The following GTF2A1L variants were observed in gnomAD, a reference collection of about 807,000 sequenced individuals.
GTF2A1L encodes TFIIA-alpha and beta-like factor.
A neutral mutation model predicts 49.7 loss-of-function variants in GTF2A1L; 48 were observed. The observed-to-expected ratio is 0.97, with a 90% CI of 0.77 to 1.23. GTF2A1L has a LOEUF of 1.23. Among genes scored for constraint, GTF2A1L ranks in the 50% most tolerant of loss-of-function variants. The pLI, the probability that GTF2A1L is intolerant of heterozygous loss-of-function variation, is 0.00. For missense variants in GTF2A1L, 736 were observed against 564.8 expected, an observed-to-expected ratio of 1.30 and a Z score of -3.07; for synonymous variants, 246 against 193.5, an observed-to-expected ratio of 1.27 and a Z score of -2.25.
chr2:48,654,980 A>G (rs1200720320), intron 6 of GTF2A1L, among the ~76,000 whole-genome samples: 1 of 152,154 alleles, frequency 6.6e-6, no homozygotes, highest in Non-Finnish European at 1.5e-5. Context: ...GGCTATTCTA[A>G]TTCCTTTATA....
chr2:48,642,477 T>C lies in GTF2A1L; in HGVS notation c.303+20T>C. ...GAACTGGTATGTAGCTTACTTAAAATATATTTTAAAAGACATGTCCCACTG... is the reference window on the plus strand; with the variant it reads ...GAACTGGTATGTAGCTTACTTAAAACATATTTTAAAAGACATGTCCCACTG... On this transcript the variant is annotated intron_variant, in intron 4 of 8. Transcript: ENST00000403751. The C allele has an allele frequency of 6.4e-7, 1 of 1,561,282 alleles. No individual in the cohort carries two copies. Among genetic ancestry groups the C allele is most frequent in the Non-Finnish European group, 8.7e-7 (1 of 1,144,550 alleles).
chr2:48,649,738 C>A (rs1454080101), intron 6 of GTF2A1L, among the ~76,000 whole-genome samples: 2 of 152,204 alleles, frequency 1.3e-5, no homozygotes, highest in African/African-American at 4.8e-5. Flanking sequence ...CCACTTAACA[C>A]ATCACCGACT....
chr2:48,621,585 C>T (rs139273425), intron 3 of GTF2A1L, among the ~76,000 whole-genome samples: 88 of 152,314 alleles, frequency 5.8e-4, no homozygotes, highest in African/African-American at 2.0e-3. Context: ...TTGGTAATTT[C>T]AGATAATTTG....
intron 3 of GTF2A1L, among the ~76,000 whole-genome samples, chr2:48,634,793 C>T (rs143857338): frequency 6.6e-6 from 1 of 152,168 alleles, no homozygotes; most frequent in Admixed American, 6.5e-5. Flanking sequence ...TCCTTTTGTA[C>T]AGGATCTGAC....
At chr2:48,672,888 T>C (rs972982887) in intron 8 of GTF2A1L, among the ~76,000 whole-genome samples, 2 of 152,204 alleles carry the variant, frequency 1.3e-5, no homozygotes, top group Non-Finnish European at 2.9e-5. Flanking sequence ...AGAACCATTT[T>C]ATCACCTCAA....
intron 1 of GTF2A1L, 30 bp from the exon 2 acceptor site, chr2:48,620,821 A>ATAAAT: frequency 3.0e-5 from 37 of 1,234,288 alleles, no homozygotes; most frequent in Non-Finnish European, 3.7e-5. Flanking sequence ...AAATAAATAA[A>ATAAAT]ATGAAACTTT....
At chr2:48,676,234 G>A (rs1192948241) in intron 8 of GTF2A1L, among the ~76,000 whole-genome samples, 1 of 151,518 alleles carries the variant, frequency 6.6e-6, no homozygotes, top group Non-Finnish European at 1.5e-5. Flanking sequence ...TCCTATTGTA[G>A]GATTACTAAA....
chr2:48,662,176 C>T (rs1376762960), intron 6 of GTF2A1L, among the ~76,000 whole-genome samples: 1 of 152,146 alleles, frequency 6.6e-6, no homozygotes, highest in African/African-American at 2.4e-5. Flanking sequence ...CTTTGCCCTC[C>T]CCTACTTTGT....
chr2:48,639,497 T>G (rs1331504962), intron 3 of GTF2A1L, among the ~76,000 whole-genome samples: 2 of 152,192 alleles, frequency 1.3e-5, no homozygotes, highest in Non-Finnish European at 2.9e-5. Context: ...GCTAGCCATA[T>G]GCAGAAGACT....
chr2:48,670,379 T>TA (rs35545854), intron 7 of GTF2A1L, among the ~76,000 whole-genome samples: 26,687 of 145,980 alleles, frequency 0.18, 2,642 homozygotes, highest in South Asian at 0.26. Flanking sequence ...CAAGACTCTT[T>TA]AAAAAAAAAA....
At chr2:48,619,284 C>T (rs1675840344) in intron 1 of GTF2A1L, among the ~76,000 whole-genome samples, 1 of 151,986 alleles carries the variant, frequency 6.6e-6, no homozygotes, top group Non-Finnish European at 1.5e-5. Context: ...GCCTGGCCAA[C>T]ATGGTGAAAC....
chr2:48,662,045 A>G (rs1678534330), intron 6 of GTF2A1L, among the ~76,000 whole-genome samples: 1 of 151,910 alleles, frequency 6.6e-6, no homozygotes, highest in Non-Finnish European at 1.5e-5. Flanking sequence ...TGTACATTCT[A>G]TAGATATTTT....
intron 8 of GTF2A1L, among the ~76,000 whole-genome samples, chr2:48,674,053 A>C (rs1204217021): frequency 6.6e-6 from 1 of 152,084 alleles, no homozygotes; most frequent in Non-Finnish European, 1.5e-5. Context: ...TTTTGCTGCT[A>C]TGAATAATGC....
At chr2:48,676,078 A>G (rs1314494726) in intron 8 of GTF2A1L, among the ~76,000 whole-genome samples, 1 of 151,870 alleles carries the variant, frequency 6.6e-6, no homozygotes, top group Non-Finnish European at 1.5e-5. Context: ...TTTTCATCGA[A>G]TTTCTTTATT....
chr2:48,676,175 C>G (rs1029297442), intron 8 of GTF2A1L, among the ~76,000 whole-genome samples: 2 of 151,696 alleles, frequency 1.3e-5, no homozygotes, highest in African/African-American at 4.8e-5. Flanking sequence ...TCAGATCTTC[C>G]CATATGAGGA....
chr2:48,658,954 T>C (rs1035659378), intron 6 of GTF2A1L, among the ~76,000 whole-genome samples: 3 of 152,118 alleles, frequency 2.0e-5, no homozygotes, highest in African/African-American at 7.2e-5. Flanking sequence ...TGAAGCTTAG[T>C]TTGGTGGGAT....
At position 48,646,959 on chromosome 2, in the gene GTF2A1L, C is replaced by G; in HGVS notation, c.895C>G (p.Leu299Val). Residue 299 changes from leucine to valine, a missense_variant, in exon 6 of 9, where the codon CTT (leucine) becomes GTT (valine). Leu to Val is a conservative substitution (Grantham distance 32). Transcript: ENST00000403751. Reference protein sequence around the residue: ...QHVTDIQLHILKNRMYGCDSV... With the variant: ...QHVTDIQLHIVKNRMYGCDSV... ...CGTGACTGATATTCAGCTTCATATT[C>G]TTAAAAATAGGATGTATGGATGTGA... is the stretch of plus-strand genomic sequence containing the variant. 1 of 1,614,128 alleles carries G rather than the reference C, an allele frequency of 6.2e-7. No homozygotes were observed. Among genetic ancestry groups the G allele is most frequent in the Non-Finnish European group, 8.5e-7 (1 of 1,180,012 alleles).
intron 3 of GTF2A1L, among the ~76,000 whole-genome samples, chr2:48,623,649 A>G (rs923726505): frequency 3.9e-5 from 6 of 152,228 alleles, no homozygotes; most frequent in African/African-American, 1.4e-4. Flanking sequence ...ATTAGCAAAG[A>G]CATGGAATCA....
chr2:48,645,915 TGG>T (rs1437697507), intron 5 of GTF2A1L, among the ~76,000 whole-genome samples: 2 of 151,488 alleles, frequency 1.3e-5, no homozygotes, highest in Non-Finnish European at 2.9e-5. Flanking sequence ...CCCAAAGTGC[TGG>T]GATTACAGGC....
Sources: gnomAD v4.1 joint callset for allele counts (sites outside exome capture counted in the v4.1 genomes callset) on GRCh38, gnomAD v4.1.1 for gene constraint, MANE v1.5 for transcripts, NCBI Gene and HGNC (gene_info 2026-07-23, HGNC 2026-07-21) for gene names.